Variants in ITGA9 observed in about 807,000 individuals in gnomAD.
ITGA9 encodes integrin subunit alpha 9.
ITGA9 carries 56 observed loss-of-function variants against 127.8 expected under a neutral mutation model. That is an observed-to-expected ratio of 0.44 (90% CI 0.35 to 0.55). The LOEUF (loss-of-function observed/expected upper bound fraction) is 0.55. Among genes scored for constraint, ITGA9 ranks in the 20% least tolerant of loss-of-function variants. The pLI, the probability that ITGA9 is intolerant of heterozygous loss-of-function variation, is 0.00. For missense variants in ITGA9, 1,196 were observed against 1,347.1 expected (o/e 0.89, Z 1.76); for synonymous variants, 508 against 514.5 (o/e 0.99, Z 0.17).
In ITGA9 at chr3:37,518,685, G is replaced by A. The variant is rs1332135213; in HGVS notation, c.1142-575G>A. On this transcript the variant is annotated intron_variant, in intron 10 of 27. Coordinates refer to ENST00000264741, the MANE Select transcript of ITGA9 (RefSeq NM_002207.3). ...TATATTTGCATTTCTTTTATTGGATGGGTCAGTGGTTTTTCTTACGAGCAT... is the reference window on the plus strand; with the variant it reads ...TATATTTGCATTTCTTTTATTGGATAGGTCAGTGGTTTTTCTTACGAGCAT... Among the ~76,000 whole-genome samples the A allele has an allele frequency of 4.0e-5, 6 of 151,220 alleles. No homozygotes were observed. In the East Asian group the frequency reaches 9.7e-4, roughly 24 times the overall value.
At chr3:37,774,818 C>T (rs1696887497) in intron 23 of ITGA9, among the ~76,000 whole-genome samples, 1 of 152,154 alleles carries the variant, frequency 6.6e-6, no homozygotes, top group Non-Finnish European at 1.5e-5. Flanking sequence ...TTATAGGCAA[C>T]ATCCTCTTTT....
chr3:37,785,837 C>T (rs755817096), intron 26 of ITGA9, among the ~76,000 whole-genome samples: 2 of 152,086 alleles, frequency 1.3e-5, no homozygotes, highest in Non-Finnish European at 2.9e-5. Flanking sequence ...CTAGTAACTG[C>T]TCTTTAACTA....
intron 16 of ITGA9, among the ~76,000 whole-genome samples, chr3:37,639,099 T>C (rs943095321): frequency 6.6e-6 from 1 of 152,180 alleles, no homozygotes; most frequent in African/African-American, 2.4e-5. Flanking sequence ...ACATACAGCC[T>C]GATGGGCACA....
rs1454743226 is a variant in ITGA9 at position 37,470,996 on chromosome 3, T to C, written c.186-11T>C. 1 of 1,613,906 alleles carries C rather than the reference T, an allele frequency of 6.2e-7. No homozygotes were observed. The highest frequency in any genetic ancestry group is 1.7e-5 in the Admixed American group (1 of 60,014). On this transcript the variant is annotated splice_polypyrimidine_tract_variant and intron_variant, in intron 1 of 27. Transcript: ENST00000264741. ...TAGGTTGTGACAGAATGCCTTTTTC[T>C]CTTGCTGCAGGGTCCTTGTGGGCGC... is the stretch of plus-strand genomic sequence containing the variant.
chr3:37,669,099 G>A (rs1344143484), intron 17 of ITGA9, among the ~76,000 whole-genome samples: 1 of 152,218 alleles, frequency 6.6e-6, no homozygotes, highest in Admixed American at 6.5e-5. Context: ...TTATGAGCTT[G>A]CTTCCCTGAC....
intron 15 of ITGA9, among the ~76,000 whole-genome samples, chr3:37,600,290 ATT>A (rs1417070815): frequency 2.0e-5 from 3 of 152,184 alleles, no homozygotes; most frequent in Non-Finnish European, 4.4e-5. Flanking sequence ...CTTCAGTTTC[ATT>A]ACCTGTCCAG....
At chr3:37,660,864 G>A (rs1700526994) in intron 17 of ITGA9, among the ~76,000 whole-genome samples, 1 of 152,178 alleles carries the variant, frequency 6.6e-6, no homozygotes, top group South Asian at 2.1e-4. Flanking sequence ...TACTCCCTGT[G>A]TCTTTCATTT....
At chr3:37,810,960 C>G (rs1282607752) in intron 27 of ITGA9, among the ~76,000 whole-genome samples, 1 of 152,206 alleles carries the variant, frequency 6.6e-6, no homozygotes, top group East Asian at 1.9e-4. Context: ...TGCCTCTGAC[C>G]CTGTGCAGCT....
intron 7 of ITGA9, among the ~76,000 whole-genome samples, chr3:37,506,954 T>C (rs922515573): frequency 6.6e-6 from 1 of 152,126 alleles, no homozygotes; most frequent in African/African-American, 2.4e-5. Context: ...CCACTGGTAA[T>C]TGGAGCCTTC....
chr3:37,520,398 A>G (rs1699032205), intron 11 of ITGA9, among the ~76,000 whole-genome samples: 2 of 152,108 alleles, frequency 1.3e-5, no homozygotes, highest in Non-Finnish European at 1.5e-5. Flanking sequence ...ATTATCCACC[A>G]TTTATTTATC....
chr3:37,659,760 A>G (rs565101395), intron 17 of ITGA9, among the ~76,000 whole-genome samples: 15 of 152,098 alleles, frequency 9.9e-5, no homozygotes, highest in African/African-American at 2.7e-4. Flanking sequence ...GAGAAGAGGC[A>G]TTCTGATTTT....
At chr3:37,787,288 A>G (rs964713551) in intron 26 of ITGA9, among the ~76,000 whole-genome samples, 2 of 31,714 alleles carry the variant, frequency 6.3e-5, no homozygotes, top group Admixed American at 5.4e-4. Flanking sequence ...TGTGTAGATG[A>G]AAAAAAAAAA....
At chr3:37,628,490 A>G (rs958582682) in intron 15 of ITGA9, among the ~76,000 whole-genome samples, 1 of 152,302 alleles carries the variant, frequency 6.6e-6, no homozygotes, top group African/African-American at 2.4e-5. Flanking sequence ...CCTTTTCTGT[A>G]TAATGGAGGA....
chr3:37,671,721 G>A (rs961534406), intron 17 of ITGA9, among the ~76,000 whole-genome samples: 3 of 152,134 alleles, frequency 2.0e-5, no homozygotes, highest in African/African-American at 4.8e-5. Flanking sequence ...TAATTGAGGT[G>A]CGTTACAGGG....
At chr3:37,735,532 T>C (rs1289275694) in intron 19 of ITGA9, among the ~76,000 whole-genome samples, 1 of 152,248 alleles carries the variant, frequency 6.6e-6, no homozygotes, top group Non-Finnish European at 1.5e-5. Context: ...GTTTAGACAT[T>C]GTATAAGTTA....
At chr3:37,617,040 G>A (rs1019968153) in intron 15 of ITGA9, among the ~76,000 whole-genome samples, 1 of 152,352 alleles carries the variant, frequency 6.6e-6, no homozygotes, top group Admixed American at 6.5e-5. Flanking sequence ...ATTAGTTGAT[G>A]CAGTTTCTTC....
chr3:37,746,912 T>C (rs1696508114), intron 22 of ITGA9, among the ~76,000 whole-genome samples: 2 of 152,202 alleles, frequency 1.3e-5, no homozygotes, highest in African/African-American at 2.4e-5. Context: ...TCCTGTCATG[T>C]GTGAAGACCT....
At chr3:37,487,332 G>A (rs551685182) in intron 4 of ITGA9, among the ~76,000 whole-genome samples, 8 of 152,270 alleles carry the variant, frequency 5.3e-5, no homozygotes, top group Non-Finnish European at 1.0e-4. Context: ...AAGGGAGGGA[G>A]GCCCCAGAGG....
intron 5 of ITGA9, 110 bp from the exon 6 acceptor site, chr3:37,503,068 A>T: frequency 7.8e-7 from 1 of 1,281,716 alleles, no homozygotes; most frequent in Non-Finnish European, 1.1e-6. Context: ...GGGAAAAAAA[A>T]GTTCTTGGTG....
Sources: gnomAD v4.1 joint callset for allele counts (sites outside exome capture counted in the v4.1 genomes callset) on GRCh38, gnomAD v4.1.1 for gene constraint, MANE v1.5 for transcripts, NCBI Gene and HGNC (gene_info 2026-07-23, HGNC 2026-07-21) for gene names.